The following APLF variants were observed in gnomAD, a reference collection of about 807,000 sequenced individuals.
APLF encodes the protein aprataxin and PNK-like factor.
In APLF, 61 loss-of-function variants were observed where a neutral mutation model predicts 55.6. That is an observed-to-expected ratio of 1.10 (90% confidence interval 0.89 to 1.36). APLF has a LOEUF of 1.36. APLF is among the 40% of genes most tolerant of loss of function. The probability of loss-of-function intolerance (pLI) is 0.00; values close to 1 mark genes in which losing one functional copy is unlikely to be tolerated. For synonymous variants in APLF, 207 were observed against 214.8 expected (o/e 0.96, Z 0.32); for missense variants, 611 against 602.5 (o/e 1.01, Z -0.15).
intron 4 of APLF, 65 bp downstream of exon 4, chr2:68,513,292 A>G: frequency 6.6e-7 from 1 of 1,508,604 alleles, no homozygotes; most frequent in Admixed American, 2.3e-5. Flanking sequence ...GGCAGAAAAG[A>G]CAACTGAAAT....
chr2:68,562,646 T>G (rs1671201530), intron 8 of APLF, among the ~76,000 whole-genome samples: 1 of 151,956 alleles, frequency 6.6e-6, no homozygotes, highest in South Asian at 2.1e-4. Context: ...TGATTTGAAC[T>G]TAGGTAGTAG....
At chr2:68,519,045 A>G (rs1168041622) in intron 5 of APLF, among the ~76,000 whole-genome samples, 4 of 112,142 alleles carry the variant, frequency 3.6e-5, no homozygotes, top group African/African-American at 1.1e-4. Flanking sequence ...AATATATAAT[A>G]ATATAATATA....
At chr2:68,557,119 A>G (rs1006444865) in intron 8 of APLF, among the ~76,000 whole-genome samples, 20 of 152,318 alleles carry the variant, frequency 1.3e-4, no homozygotes, top group Middle Eastern at 3.4e-3. Flanking sequence ...CCAGGACCCC[A>G]GGGCATACCA....
intron 1 of APLF, among the ~76,000 whole-genome samples, chr2:68,479,722 A>G (rs1240586605): frequency 6.6e-6 from 1 of 152,206 alleles, no homozygotes; most frequent in Non-Finnish European, 1.5e-5. Flanking sequence ...TTTTAAAGAA[A>G]TGGAAAGCAA....
chr2:68,518,966 A>G (rs1669788913), intron 5 of APLF, among the ~76,000 whole-genome samples: 1 of 122,488 alleles, frequency 8.2e-6, no homozygotes, highest in African/African-American at 3.4e-5. Flanking sequence ...ATAATACATA[A>G]TAATATGCTA....
At chr2:68,499,387 G>A (rs55869508) in intron 2 of APLF, among the ~76,000 whole-genome samples, 23,270 of 152,152 alleles carry the variant, frequency 0.15, 3,944 homozygotes, top group African/African-American at 0.42. Flanking sequence ...GCAGTTGGGA[G>A]TCCTTAACCC....
chr2:68,561,084 CA>C (rs1251715983), intron 8 of APLF, among the ~76,000 whole-genome samples: 1 of 152,058 alleles, frequency 6.6e-6, no homozygotes, highest in African/African-American at 2.4e-5. Context: ...TATTAATTGA[CA>C]GTGACTTTTA....
At chr2:68,490,761 A>G (rs1362373167) in intron 2 of APLF, among the ~76,000 whole-genome samples, 3 of 152,188 alleles carry the variant, frequency 2.0e-5, no homozygotes, top group Non-Finnish European at 4.4e-5. Context: ...CTTGCTTTAT[A>G]GTTTACTGCT....
chr2:68,517,119 G>A (rs1182051000), intron 5 of APLF, among the ~76,000 whole-genome samples: 50 of 120,842 alleles, frequency 4.1e-4, no homozygotes, highest in South Asian at 1.7e-3. Flanking sequence ...ATAATAATAC[G>A]TTATTGATCT....
intron 2 of APLF, among the ~76,000 whole-genome samples, chr2:68,498,852 C>G (rs552452353): frequency 3.7e-4 from 57 of 152,054 alleles, no homozygotes; most frequent in Non-Finnish European, 7.4e-4. Flanking sequence ...TCTTTTTTGC[C>G]TTTTATTATT....
chr2:68,577,693 T>C (rs960002767), intron 9 of APLF, 127 bp from the exon 10 acceptor site: 2 of 1,109,330 alleles, frequency 1.8e-6, no homozygotes, highest in Non-Finnish European at 2.5e-6. Flanking sequence ...TCCAGAAATT[T>C]GTAGTGGTAA....
intron 2 of APLF, among the ~76,000 whole-genome samples, chr2:68,494,656 C>G (rs1313497898): frequency 6.6e-6 from 1 of 152,104 alleles, no homozygotes; most frequent in East Asian, 1.9e-4. Flanking sequence ...CTCCTCCCAC[C>G]CTCCACTCTT....
intron 9 of APLF, among the ~76,000 whole-genome samples, chr2:68,572,130 C>T (rs979073101): frequency 1.2e-4 from 17 of 143,868 alleles, no homozygotes; most frequent in African/African-American, 4.6e-4. Context: ...ACATGAAATT[C>T]TATAAACTGC....
chr2:68,478,590 T>G (rs1293945937), intron 1 of APLF, among the ~76,000 whole-genome samples: 1 of 152,200 alleles, frequency 6.6e-6, no homozygotes, highest in East Asian at 1.9e-4. Flanking sequence ...AATGTCAAGG[T>G]AACAGAAAAT....
At chr2:68,525,448 G>A (rs1338325694) in intron 5 of APLF, among the ~76,000 whole-genome samples, 2 of 151,962 alleles carry the variant, frequency 1.3e-5, no homozygotes, top group Admixed American at 6.6e-5. Context: ...CATGTATCAG[G>A]TACTCTGCTA....
intron 2 of APLF, among the ~76,000 whole-genome samples, chr2:68,499,842 A>G (rs963744540): frequency 1.3e-5 from 2 of 152,236 alleles, no homozygotes; most frequent in East Asian, 1.9e-4. Flanking sequence ...TGTCTCAAAA[A>G]AAGAAAAAAT....
intron 6 of APLF, among the ~76,000 whole-genome samples, chr2:68,530,092 G>T: frequency 6.6e-6 from 1 of 152,206 alleles, no homozygotes; most frequent in Non-Finnish European, 1.5e-5. Context: ...GGCAGGCAGG[G>T]TCTCCACTTT....
intron 9 of APLF, among the ~76,000 whole-genome samples, chr2:68,572,568 G>A (rs557950534): frequency 2.6e-5 from 4 of 152,342 alleles, no homozygotes; most frequent in African/African-American, 9.6e-5. Context: ...GGGTGTGGTG[G>A]CTCATGCCTA....
In APLF at chr2:68,490,268, A is replaced by C; in HGVS notation, c.168+7A>C. The stretch of plus-strand genomic sequence containing the variant: ...TCAGCTGCGAATCAAACCGGTAAAT[A>C]TGTTATTAATGATTCATTTTAACTT... On this transcript the variant is annotated splice_region_variant and intron_variant, in intron 2 of 9. Coordinates refer to ENST00000303795, the MANE Select transcript of APLF (RefSeq NM_173545.3). 2 of 1,608,354 alleles carry C rather than the reference A, an allele frequency of 1.2e-6. No homozygotes were observed. The highest frequency in any genetic ancestry group is 1.7e-6 in the Non-Finnish European group (2 of 1,177,780).
Sources: gnomAD v4.1 joint callset for allele counts (sites outside exome capture counted in the v4.1 genomes callset) on GRCh38, gnomAD v4.1.1 for gene constraint, MANE v1.5 for transcripts, NCBI Gene and HGNC (gene_info 2026-07-23, HGNC 2026-07-21) for gene names.